Variants in BAZ1A observed in about 807,000 individuals in gnomAD.
BAZ1A encodes bromodomain adjacent to zinc finger domain 1A, also known as bromodomain adjacent to zinc finger domain protein 1A.
A neutral mutation model predicts 185.2 loss-of-function variants in BAZ1A; 50 were observed. The observed-to-expected ratio is 0.27, with a 90% CI of 0.22 to 0.34. The LOEUF is 0.34. BAZ1A is among the 10% of genes least tolerant of loss of function. The pLI, the probability that BAZ1A is intolerant of heterozygous loss-of-function variation, is 1.00. For missense variants in BAZ1A, 1,356 were observed against 1,839.9 expected (o/e 0.74, Z 4.81); for synonymous variants, 571 against 615.6 (o/e 0.93, Z 1.07).
At chr14:34,803,447 AC>A (rs1384038598) in intron 6 of BAZ1A, among the ~76,000 whole-genome samples, 4 of 152,028 alleles carry the variant, frequency 2.6e-5, no homozygotes, top group African/African-American at 4.8e-5. Flanking sequence ...GTAGTAAAAT[AC>A]ATTTTAGTTG....
rs369799325 is a variant in BAZ1A at position 34,761,925 on chromosome 14, T to C, written c.4075A>G (p.Arg1359Gly). 6.2e-7 allele frequency: 1 copy of C among 1,614,096 alleles called. No homozygotes were observed. The highest frequency in any genetic ancestry group is 1.3e-5 in the African/African-American group (1 of 74,930). ...VELLSPRRKR[R>G]GRKSANNTPE... ...GTATTATTAGCACTTTTCCTGCCTC[T>C]GCGTTTTCTACGAGGACTAAGCAAT... Residue 1359 changes from arginine (R) to glycine (G), a missense_variant, in exon 24 of 27, where the codon AGA (arginine) becomes GGA (glycine). This residue lies in a region of BAZ1A where 309 missense variants were observed against 355.3 expected (regional missense o/e 0.87). Transcript: ENST00000360310.
At chr14:34,822,144 C>A (rs1200398) in intron 4 of BAZ1A, among the ~76,000 whole-genome samples, 131,166 of 151,864 alleles carry the variant, frequency 0.86, 57,574 homozygotes, top group Non-Finnish European at 0.96. Flanking sequence ...AAAATACAAA[C>A]ATTAGCTGGG....
At chr14:34,756,694 G>A (rs1325915245) in intron 25 of BAZ1A, among the ~76,000 whole-genome samples, 1 of 151,332 alleles carries the variant, frequency 6.6e-6, no homozygotes, top group East Asian at 2.0e-4. Flanking sequence ...TTGAACTCCT[G>A]ATCTTAGGTG....
intron 2 of BAZ1A, among the ~76,000 whole-genome samples, chr14:34,869,010 T>A (rs1054353004): frequency 1.3e-5 from 2 of 150,654 alleles, no homozygotes; most frequent in Non-Finnish European, 3.0e-5. Context: ...ATCGAGACCA[T>A]CCTGGCTAAC....
At chr14:34,825,931 C>G (rs944629415) in intron 4 of BAZ1A, 82 bp downstream of exon 4, 10 of 1,306,552 alleles carry the variant, frequency 7.7e-6, no homozygotes, top group African/African-American at 1.7e-5. Context: ...GAGTGAAACT[C>G]TATCTCAAAA....
chr14:34,809,034 A>G (rs187873535), intron 5 of BAZ1A, among the ~76,000 whole-genome samples: 1 of 152,210 alleles, frequency 6.6e-6, no homozygotes, highest in Non-Finnish European at 1.5e-5. Context: ...TGTTGTCAGT[A>G]TTCCCTAAAC....
chr14:34,773,817 A>G (rs1879401261), intron 19 of BAZ1A, 91 bp from the exon 20 acceptor site: 2 of 1,267,308 alleles, frequency 1.6e-6, no homozygotes, highest in Admixed American at 4.5e-5. Flanking sequence ...AAATCAATTC[A>G]TGGATATTTT....
chr14:34,757,572 G>T (rs1886311761), intron 25 of BAZ1A, among the ~76,000 whole-genome samples: 1 of 151,664 alleles, frequency 6.6e-6, no homozygotes, highest in Non-Finnish European at 1.5e-5. Context: ...GGCTGAGGCA[G>T]GAGAATCGCT....
chr14:34,812,211 T>C (rs2041939800), intron 4 of BAZ1A, among the ~76,000 whole-genome samples: 1 of 149,616 alleles, frequency 6.7e-6, no homozygotes, highest in Non-Finnish European at 1.5e-5. Context: ...GAGGTTGATA[T>C]TTAAGCAGAG....
chr14:34,771,510 C>A lies in BAZ1A; in HGVS notation c.3301+1G>T. 1 of 1,604,056 alleles carries A rather than the reference C, an allele frequency of 6.2e-7. No homozygotes were observed. The highest frequency in any genetic ancestry group is 8.5e-7 in the Non-Finnish European group (1 of 1,177,074). On this transcript the variant is annotated splice_donor_variant, in intron 21 of 26. Coordinates refer to ENST00000360310, the MANE Select transcript of BAZ1A (RefSeq NM_013448.3). LOFTEE classifies it high-confidence loss of function. ...ATTTTGAAATAAAAACAGATACTTA[C>A]CAAGTGGAGCTTTCAGAAAACGCCG...
rs996946662 is a variant in BAZ1A at position 34,874,365 on chromosome 14, G to A, written c.113+127C>T. ...CCAGGAGGCAGAGAACCGCGGGCCC[G>A]GGGGCCACCCGTCACTTTCAAGTCG... On this transcript the variant is annotated intron_variant, in intron 2 of 26. Coordinates refer to ENST00000360310, the MANE Select transcript of BAZ1A (RefSeq NM_013448.3). The surrounding 1 kb of genome is among the most constrained non-coding windows in gnomAD (Gnocchi z 4.7). 1.3e-4 allele frequency: 118 copies of A among 911,966 alleles called. No homozygotes were observed. The African/African-American group carries it at 1.9e-3, about 14-fold the overall frequency. 56.5% of individuals were successfully genotyped at this position (911,966 alleles called of 1,614,324 possible).
chr14:34,796,960 T>C (rs1403326847), intron 9 of BAZ1A, among the ~76,000 whole-genome samples: 1 of 152,234 alleles, frequency 6.6e-6, no homozygotes, highest in African/African-American at 2.4e-5. Context: ...GTTATGTGTA[T>C]GTATAGAAAG....
Position 34,846,719 on chromosome 14 carries a change from G to T in BAZ1A, c.392+15325C>A, listed in dbSNP as rs76918328. ...GTTCTAAATGTTAACTGTTCAACTT[G>T]CAATGACAATCCAGGAGCCAATTAG... On this transcript the variant is annotated intron_variant, in intron 3 of 26. Transcript: ENST00000360310. Among the ~76,000 whole-genome samples, 934 of 152,076 alleles carry T rather than the reference G, an allele frequency of 6.1e-3. 16 individuals are homozygous for T. The highest frequency in any genetic ancestry group is 0.022 in the African/African-American group (902 of 41,486).
At chr14:34,843,595 A>T (rs1200618113) in intron 3 of BAZ1A, among the ~76,000 whole-genome samples, 1 of 152,184 alleles carries the variant, frequency 6.6e-6, no homozygotes, top group Non-Finnish European at 1.5e-5. Context: ...TTGTAAGAGT[A>T]ATGTTTACTG....
chr14:34,754,254 CA>C (rs59411665), intron 26 of BAZ1A, among the ~76,000 whole-genome samples: 2,047 of 97,304 alleles, frequency 0.021, 35 homozygotes, highest in African/African-American at 0.054. Context: ...TCCATCATCT[CA>C]AAAAAAAAAA....
At position 34,771,622 on chromosome 14, in the gene BAZ1A, A is replaced by G; in HGVS notation, c.3190T>C (p.Ser1064Pro). 1.2e-6 allele frequency: 2 copies of G among 1,614,074 alleles called. No individual in the cohort carries two copies. The highest frequency in any genetic ancestry group is 1.7e-6 in the Non-Finnish European group (2 of 1,180,002). Residue 1064 changes from serine (S) to proline (P), a missense_variant, in exon 21 of 27, where the codon TCA (serine) becomes CCA (proline). Coordinates refer to ENST00000360310, the MANE Select transcript of BAZ1A (RefSeq NM_013448.3). ...GATTGTGGTGTACTTGCATTTGTTG[A>G]TACAGTACTTGGAGTTTCTGTTTTT... ...GIKTETPSTV[S>P]TNASTPQSVS...
chr14:34,762,279 T>C lies in BAZ1A; in HGVS notation c.3777-56A>G. ...GTACAGAGCAATGATGAACATATGA[T>C]TAGCTCTATTCTCCTTGTTGTATTT... On this transcript the variant is annotated intron_variant, in intron 23 of 26. Coordinates refer to ENST00000360310, the MANE Select transcript of BAZ1A (RefSeq NM_013448.3). The C allele has an allele frequency of 2.0e-6, 3 of 1,491,616 alleles. No homozygotes were observed. The South Asian group carries it at 3.6e-5, about 18-fold the overall frequency. The allele number at this position is 1,491,616 out of a possible 1,614,324, so 92.4% of individuals were successfully genotyped here.
At position 34,805,883 on chromosome 14, in the gene BAZ1A, CT is replaced by C. The variant is rs748874302; in HGVS notation, c.726+1567del. Reference sequence around the variant, plus strand: ...GCTTGCCCTTGAAATCTACACATGACTTTTTTTTTTTTTTTCCCTTAGACGG... The same window carrying C: ...GCTTGCCCTTGAAATCTACACATGACTTTTTTTTTTTTTTCCCTTAGACGG... On this transcript the variant is annotated intron_variant, in intron 6 of 26. Coordinates refer to ENST00000360310, the MANE Select transcript of BAZ1A (RefSeq NM_013448.3). Among the ~76,000 whole-genome samples the C allele has an allele frequency of 4.6e-3, 645 of 139,214 alleles. 3 individuals are homozygous for C. Among genetic ancestry groups the C allele is most frequent in the African/African-American group, 0.01 (390 of 38,332 alleles). 91.3% of individuals were successfully genotyped at this position (139,214 alleles called of 152,430 possible).
rs771014250 is a variant in BAZ1A at position 34,810,973 on chromosome 14, T to C, written c.600A>G (p.Glu200=). 4.3e-6 allele frequency: 7 copies of C among 1,610,684 alleles called. No homozygotes were observed. In the Admixed American group the frequency reaches 1.2e-4, roughly 27 times the overall value. The change falls in exon 5 of 27, where the codon GAA becomes GAG. Residue 200 remains glutamate (E), a synonymous_variant. Transcript: ENST00000360310. ...FKYKVQPTKK[E]LHESAIVKAT... ...CTTTAACAATAGCAGACTCATGTAA[T>C]TCTTTTTTAGTGGGTTGCACTTTAT...
Sources: allele counts gnomAD v4.1 joint callset (sites outside exome capture counted in the v4.1 genomes callset), GRCh38; gene constraint gnomAD v4.1.1; regional missense constraint gnomAD v4.1.1; non-coding constraint Gnocchi (gnomAD v3.1); transcripts MANE v1.5; gene names NCBI Gene and HGNC (gene_info 2026-07-23, HGNC 2026-07-21).